KAZN: variants seen among roughly 807,000 people sequenced by gnomAD.
KAZN encodes the protein kazrin, periplakin interacting protein.
KAZN carries 40 observed loss-of-function variants against 87.4 expected under a neutral mutation model. That is an observed-to-expected ratio of 0.46 (90% CI 0.36 to 0.60). KAZN has a LOEUF of 0.60. Ranked by LOEUF, KAZN falls within the 20% of genes least tolerant of loss-of-function variation. The pLI, the probability that KAZN is intolerant of heterozygous loss-of-function variation, is 0.00. For synonymous variants in KAZN, 466 were observed against 458.3 expected, an observed-to-expected ratio of 1.02 and a Z score of -0.22; for missense variants, 898 against 1,073.9, an observed-to-expected ratio of 0.84 and a Z score of 2.29.
intron 1 of KAZN, among the ~76,000 whole-genome samples, chr1:14,730,886 C>A (rs938760381): frequency 2.6e-5 from 4 of 152,070 alleles, no homozygotes; most frequent in African/African-American, 9.7e-5. Flanking sequence ...AGATGGTGGC[C>A]CTCCCTCTTG....
chr1:15,057,805 A>G (rs952624231), intron 5 of KAZN, among the ~76,000 whole-genome samples: 1 of 152,214 alleles, frequency 6.6e-6, no homozygotes, highest in Admixed American at 6.5e-5. Context: ...GCAGGAGGGC[A>G]GAGGTGCAAT....
chr1:14,641,675 C>A (rs1368586679), intron 1 of KAZN, among the ~76,000 whole-genome samples: 1 of 152,226 alleles, frequency 6.6e-6, no homozygotes, highest in African/African-American at 2.4e-5. Context: ...ACACCCTGTT[C>A]AGTCTATTGA....
At chr1:14,386,103 A>G (rs1328814358) in intron 2 of KAZN, among the ~76,000 whole-genome samples, 2 of 148,622 alleles carry the variant, frequency 1.3e-5, no homozygotes, top group Non-Finnish European at 3.0e-5. Flanking sequence ...TTGTTGGTTT[A>G]AAGTCTGTTT....
At chr1:14,669,930 C>T (rs1450652897) in intron 1 of KAZN, among the ~76,000 whole-genome samples, 1 of 152,046 alleles carries the variant, frequency 6.6e-6, no homozygotes. Flanking sequence ...TCAGAGGCTA[C>T]CAAGAAGTAC....
chr1:13,948,016 AG>A (rs1641209918), intron 1 of KAZN, among the ~76,000 whole-genome samples: 1 of 152,180 alleles, frequency 6.6e-6, no homozygotes, highest in Non-Finnish European at 1.5e-5. Context: ...GCTCATACCA[AG>A]GGCCCACTCA....
chr1:15,086,066 G>C (rs978584769), intron 8 of KAZN, among the ~76,000 whole-genome samples: 4 of 152,136 alleles, frequency 2.6e-5, no homozygotes, highest in Non-Finnish European at 5.9e-5. Flanking sequence ...TGCCTCCTGG[G>C]TTCAAGCGAT....
intron 2 of KAZN, among the ~76,000 whole-genome samples, chr1:14,371,057 A>C (rs1359767623): frequency 6.6e-6 from 1 of 152,178 alleles, no homozygotes; most frequent in Non-Finnish European, 1.5e-5. Context: ...CAACACTCAT[A>C]AAGAAGCTTG....
rs528325939 is a variant in KAZN, at chr1:13,984,911, T to A, written c.91+91155T>A. On this transcript the variant is annotated intron_variant, in intron 1 of 16. Transcript: ENST00000636203. The stretch of plus-strand genomic sequence containing the variant: ...CTGTCACCACAATCAATTTTAGGAT[T>A]TTTTTTTCAAATAGAATGAAGTTTA... Among the ~76,000 whole-genome samples the A allele has an allele frequency of 7.3e-4, 111 of 152,304 alleles. 1 individual carries two copies. The highest frequency in any genetic ancestry group is 2.7e-3 in the African/African-American group (111 of 41,558).
chr1:14,214,657 GAACC>G (rs1235435831), intron 2 of KAZN, among the ~76,000 whole-genome samples: 2 of 152,146 alleles, frequency 1.3e-5, no homozygotes, highest in African/African-American at 4.8e-5. Context: ...TATTTTTCAA[GAACC>G]AACAAGATTT....
chr1:14,388,757 CA>C (rs770475905), intron 2 of KAZN, among the ~76,000 whole-genome samples: 4 of 152,080 alleles, frequency 2.6e-5, no homozygotes, highest in Non-Finnish European at 5.9e-5. Context: ...TAAAAGAAAA[CA>C]TTAGGGAAAC....
intron 1 of KAZN, among the ~76,000 whole-genome samples, chr1:14,617,927 T>C (rs1484321964): frequency 6.6e-6 from 1 of 152,256 alleles, no homozygotes; most frequent in Non-Finnish European, 1.5e-5. Context: ...CACTGCTATC[T>C]GCGCTCACCT....
chr1:14,846,623 A>G (rs1648802142), intron 1 of KAZN, among the ~76,000 whole-genome samples: 1 of 152,232 alleles, frequency 6.6e-6, no homozygotes, highest in Non-Finnish European at 1.5e-5. Flanking sequence ...TACACAGTGC[A>G]CTACAGTTTA....
At chr1:14,893,702 C>T (rs1654966823) in intron 1 of KAZN, among the ~76,000 whole-genome samples, 1 of 152,138 alleles carries the variant, frequency 6.6e-6, no homozygotes, top group South Asian at 2.1e-4. Context: ...GGCCAGAAAG[C>T]CACAAAGGGT....
intron 1 of KAZN, among the ~76,000 whole-genome samples, chr1:14,660,541 C>CTTTTTTTTTTTTT: frequency 1.3e-5 from 1 of 76,034 alleles, no homozygotes; most frequent in Non-Finnish European, 2.4e-5. Context: ...CTCTCTCTCT[C>CTTTTTTTTTTTTT]TTTTTTTTTT....
chr1:14,258,126 A>G (rs1024382459), intron 2 of KAZN, among the ~76,000 whole-genome samples: 16 of 151,596 alleles, frequency 1.1e-4, no homozygotes, highest in Admixed American at 7.2e-4. Flanking sequence ...GTAGATCACA[A>G]TGAACCCTCC....
chr1:14,938,068 T>C (rs1016769566), intron 1 of KAZN, among the ~76,000 whole-genome samples: 1 of 152,164 alleles, frequency 6.6e-6, no homozygotes, highest in Non-Finnish European at 1.5e-5. Context: ...TGTGGGGACG[T>C]TGGAGTCTAT....
intron 2 of KAZN, among the ~76,000 whole-genome samples, chr1:14,391,919 T>TA (rs2101092982): frequency 6.6e-6 from 1 of 152,294 alleles, no homozygotes; most frequent in Admixed American, 6.5e-5. Flanking sequence ...CACTAGTAGA[T>TA]ATGGGATGAC....
intron 2 of KAZN, among the ~76,000 whole-genome samples, chr1:15,013,572 G>A (rs1669792879): frequency 6.6e-6 from 1 of 151,954 alleles, no homozygotes; most frequent in Non-Finnish European, 1.5e-5. Context: ...TGGCCAACAA[G>A]GTGAAACCCC....
intron 2 of KAZN, among the ~76,000 whole-genome samples, chr1:14,544,350 C>T (rs5027771): frequency 6.2e-3 from 612 of 97,972 alleles, no homozygotes; most frequent in Admixed American, 9.3e-3. Flanking sequence ...TTCTTTCTTT[C>T]TTTTTTTTTT....
Sources: allele counts gnomAD v4.1 joint callset (sites outside exome capture counted in the v4.1 genomes callset), GRCh38; gene constraint gnomAD v4.1.1; transcripts MANE v1.5; gene names NCBI Gene and HGNC (gene_info 2026-07-23, HGNC 2026-07-21).